PALS1: variants seen among roughly 807,000 people sequenced by gnomAD.
PALS1 encodes protein associated with LIN7 1, MAGUK p55 family member, also known as protein PALS1.
In PALS1, 31 loss-of-function variants were observed where a neutral mutation model predicts 78.9. That is an observed-to-expected ratio of 0.39 (90% CI 0.30 to 0.53). The LOEUF is 0.53. Ranked by LOEUF, PALS1 falls within the 20% of genes least tolerant of loss-of-function variation. PALS1 has a pLI of 0.67. For synonymous variants in PALS1, 276 were observed against 270.9 expected (o/e 1.02, Z -0.18); for missense variants, 704 against 826.5 (o/e 0.85, Z 1.82).
intron 1 of PALS1, among the ~76,000 whole-genome samples, chr14:67,261,293 A>C (rs780635936): frequency 1.3e-5 from 2 of 152,168 alleles, no homozygotes; most frequent in Non-Finnish European, 2.9e-5. Flanking sequence ...AAACTCATAG[A>C]AAAGTTAAGA....
intron 4 of PALS1, among the ~76,000 whole-genome samples, chr14:67,296,892 C>G (rs889715747): frequency 6.6e-6 from 1 of 152,106 alleles, no homozygotes; most frequent in African/African-American, 2.4e-5. Context: ...TGGGCTCAAA[C>G]AATCCTTCCA....
At chr14:67,324,289 T>C (rs938177033) in intron 14 of PALS1, among the ~76,000 whole-genome samples, 4 of 152,238 alleles carry the variant, frequency 2.6e-5, no homozygotes, top group Non-Finnish European at 4.4e-5. Flanking sequence ...ATGGTTGAGG[T>C]AGTCCATGTC....
Position 67,244,540 on chromosome 14 carries a change from TC to T in PALS1, c.-237+3008del, listed in dbSNP as rs2083958009. Among the ~76,000 whole-genome samples, 3 of 152,186 alleles carry T rather than the reference TC, an allele frequency of 2.0e-5. No individual in the cohort carries two copies. The South Asian group carries it at 6.2e-4, about 32-fold the overall frequency. On this transcript the variant is annotated intron_variant, in intron 1 of 14. Coordinates refer to ENST00000261681, the MANE Select transcript of PALS1 (RefSeq NM_022474.4). ...TAACTTTTCATTGTACAATTCCAAC[TC>T]AGAGAGCTGTGCAACTACCACAATC...
intron 8 of PALS1, among the ~76,000 whole-genome samples, chr14:67,304,483 T>A (rs190698766): frequency 4.2e-4 from 64 of 152,316 alleles, no homozygotes; most frequent in Middle Eastern, 3.4e-3. Context: ...AGTACTGATA[T>A]ATGCTACAAC....
chr14:67,317,622 A>G (rs2085197533), intron 11 of PALS1, 143 bp downstream of exon 11: 1 of 529,718 alleles, frequency 1.9e-6, no homozygotes, highest in African/African-American at 2.0e-5. Flanking sequence ...TGAGTAAGGC[A>G]GTGTTTTGAA....
chr14:67,326,128 A>G (rs2085352500), intron 14 of PALS1, among the ~76,000 whole-genome samples: 1 of 143,802 alleles, frequency 7.0e-6, no homozygotes, highest in African/African-American at 2.6e-5. Context: ...CCCGGCCAGC[A>G]TCTTTCTTTT....
chr14:67,322,541 A>G (rs1187756833), intron 13 of PALS1, among the ~76,000 whole-genome samples: 2 of 152,124 alleles, frequency 1.3e-5, no homozygotes, highest in African/African-American at 2.4e-5. Context: ...CATAAAGGAG[A>G]ATTGACTCTA....
chr14:67,315,663 T>C (rs547737375), intron 9 of PALS1, among the ~76,000 whole-genome samples: 2 of 152,316 alleles, frequency 1.3e-5, no homozygotes, highest in Non-Finnish European at 2.9e-5. Flanking sequence ...CAGTGGCTCA[T>C]GCCCCTAATC....
intron 1 of PALS1, among the ~76,000 whole-genome samples, chr14:67,259,546 A>G (rs1255835991): frequency 6.6e-6 from 1 of 152,090 alleles, no homozygotes; most frequent in Non-Finnish European, 1.5e-5. Context: ...CAGGAGGCAG[A>G]GGTTGCAGTG....
chr14:67,289,330 C>T (rs2084736473), intron 3 of PALS1, among the ~76,000 whole-genome samples: 1 of 152,080 alleles, frequency 6.6e-6, no homozygotes, highest in East Asian at 1.9e-4. Context: ...ATTCTCTGAA[C>T]AATACAATAT....
chr14:67,324,385 G>T (rs901576447), intron 14 of PALS1, among the ~76,000 whole-genome samples: 1 of 152,044 alleles, frequency 6.6e-6, no homozygotes, highest in African/African-American at 2.4e-5. Flanking sequence ...TGGTAACTCT[G>T]TCAGGTGACT....
intron 3 of PALS1, among the ~76,000 whole-genome samples, chr14:67,288,327 C>T (rs1000183589): frequency 6.6e-6 from 1 of 152,060 alleles, no homozygotes; most frequent in African/African-American, 2.4e-5. Context: ...GGTGATCTGC[C>T]CTCCTGAGCC....
At chr14:67,283,127 T>G (rs2140720283) in intron 3 of PALS1, among the ~76,000 whole-genome samples, 1 of 152,258 alleles carries the variant, frequency 6.6e-6, no homozygotes, top group East Asian at 1.9e-4. Flanking sequence ...GATTAGGGGC[T>G]TTCTAATCTA....
chr14:67,309,559 G>A (rs1297837928), intron 8 of PALS1, among the ~76,000 whole-genome samples: 1 of 152,172 alleles, frequency 6.6e-6, no homozygotes, highest in East Asian at 1.9e-4. Context: ...TTCCAAGCCA[G>A]TTAAATTAGA....
At chr14:67,315,268 ATTTTTTTTTTTT>A (rs531037352) in intron 9 of PALS1, among the ~76,000 whole-genome samples, 45 of 101,586 alleles carry the variant, frequency 4.4e-4, no homozygotes, top group African/African-American at 2.0e-3. Context: ...CTTATTTTTA[ATTTTTTTTTTTT>A]TTTTTTTTTT....
chr14:67,286,659 C>T (rs544947005), intron 3 of PALS1, among the ~76,000 whole-genome samples: 1 of 150,474 alleles, frequency 6.6e-6, no homozygotes, highest in East Asian at 2.0e-4. Context: ...AGTTGCAGAT[C>T]AGCCTGGGCA....
chr14:67,262,300 C>T (rs2084251001), intron 1 of PALS1, among the ~76,000 whole-genome samples: 1 of 152,120 alleles, frequency 6.6e-6, no homozygotes, highest in Non-Finnish European at 1.5e-5. Context: ...CTAAAACTCC[C>T]AGTATAAATG....
At chr14:67,310,839 A>G (rs866044677) in intron 8 of PALS1, among the ~76,000 whole-genome samples, 2 of 152,178 alleles carry the variant, frequency 1.3e-5, no homozygotes, top group African/African-American at 2.4e-5. Flanking sequence ...CTGTCTATCT[A>G]TCTATCTATG....
intron 2 of PALS1, among the ~76,000 whole-genome samples, chr14:67,275,736 G>A (rs544246633): frequency 3.1e-4 from 47 of 152,248 alleles, no homozygotes; most frequent in Admixed American, 6.5e-4. Context: ...ATTTGGCTGC[G>A]AATCCATTTG....
Sources: allele counts gnomAD v4.1 joint callset (sites outside exome capture counted in the v4.1 genomes callset), GRCh38; gene constraint gnomAD v4.1.1; transcripts MANE v1.5; gene names NCBI Gene and HGNC (gene_info 2026-07-23, HGNC 2026-07-21).